Variants in PRKG1 observed in about 807,000 individuals in gnomAD.
The protein encoded by PRKG1 is protein kinase cGMP-dependent 1, also known as cGMP-dependent protein kinase 1.
Under a neutral mutation model 88.1 loss-of-function variants are expected in PRKG1, and 35 were observed. The ratio of observed to expected loss-of-function variants is 0.40; its 90% CI spans 0.30 to 0.53. PRKG1 has a LOEUF of 0.53. PRKG1 is among the 20% of genes least tolerant of loss of function. The pLI is 0.59. For synonymous variants in PRKG1, 303 were observed against 292.5 expected (o/e 1.04, Z -0.37); for missense variants, 540 against 839.8 (o/e 0.64, Z 4.41).
chr10:51,615,708 TC>T (rs1450683811), intron 3 of PRKG1, among the ~76,000 whole-genome samples: 1 of 151,814 alleles, frequency 6.6e-6, no homozygotes, highest in Non-Finnish European at 1.5e-5. Context: ...CTTATTCATA[TC>T]CTAAATTGTT....
At chr10:51,050,987 C>T (rs2660206) in intron 1 of PRKG1, among the ~76,000 whole-genome samples, 2 of 151,886 alleles carry the variant, frequency 1.3e-5, no homozygotes, top group Admixed American at 6.6e-5. Context: ...TGCTCATTTG[C>T]TCACTTTTTA....
chr10:51,551,495 G>A (rs1229999956), intron 3 of PRKG1, among the ~76,000 whole-genome samples: 1 of 151,716 alleles, frequency 6.6e-6, no homozygotes, highest in Non-Finnish European at 1.5e-5. Context: ...TTAAGAAAAA[G>A]CATGAAGCTA....
intron 9 of PRKG1, among the ~76,000 whole-genome samples, chr10:52,207,778 G>A (rs1194495): frequency 0.25 from 37,368 of 152,036 alleles, 5,568 homozygotes; most frequent in Admixed American, 0.41. Context: ...GGCCGGGAGT[G>A]AGCCCCATTG....
At chr10:52,073,344 A>C (rs1482532708) in intron 7 of PRKG1, among the ~76,000 whole-genome samples, 1 of 152,166 alleles carries the variant, frequency 6.6e-6, no homozygotes, top group Non-Finnish European at 1.5e-5. Flanking sequence ...GGAGGGCACA[A>C]ATCAACTCAC....
intron 5 of PRKG1, among the ~76,000 whole-genome samples, chr10:52,030,259 T>C (rs1845443695): frequency 6.6e-6 from 1 of 152,228 alleles, no homozygotes; most frequent in South Asian, 2.1e-4. Context: ...TCCTATCTTC[T>C]ATCCCACTAG....
At chr10:51,203,611 T>C (rs1274172445) in intron 2 of PRKG1, among the ~76,000 whole-genome samples, 1 of 152,166 alleles carries the variant, frequency 6.6e-6, no homozygotes, top group Non-Finnish European at 1.5e-5. Flanking sequence ...TGGAAAGGCT[T>C]TGGGTGAAAA....
At chr10:51,514,943 C>T (rs1343517024) in intron 3 of PRKG1, among the ~76,000 whole-genome samples, 1 of 152,110 alleles carries the variant, frequency 6.6e-6, no homozygotes, top group African/African-American at 2.4e-5. Context: ...AGAGGCTGTC[C>T]TGTGCATTGT....
intron 2 of PRKG1, among the ~76,000 whole-genome samples, chr10:51,331,420 C>T (rs939540416): frequency 6.6e-6 from 1 of 152,066 alleles, no homozygotes; most frequent in Non-Finnish European, 1.5e-5. Flanking sequence ...TGAGTACCAG[C>T]CTGAAATACA....
intron 1 of PRKG1, among the ~76,000 whole-genome samples, chr10:51,125,355 T>G (rs1845369197): frequency 6.6e-6 from 1 of 150,988 alleles, no homozygotes; most frequent in South Asian, 2.1e-4. Flanking sequence ...ATTATATAAA[T>G]TTATTTAAAA....
chr10:51,301,005 C>CT (rs1233223343), intron 2 of PRKG1, among the ~76,000 whole-genome samples: 4 of 151,552 alleles, frequency 2.6e-5, no homozygotes, highest in Admixed American at 6.6e-5. Flanking sequence ...GGAATGTTGA[C>CT]TTTTTTTTTG....
chr10:51,985,056 A>G (rs1043672156), intron 5 of PRKG1, among the ~76,000 whole-genome samples: 2 of 152,188 alleles, frequency 1.3e-5, no homozygotes, highest in African/African-American at 4.8e-5. Context: ...ACCATAGGAC[A>G]TATATTTTTA....
At chr10:51,380,891 G>A (rs978209651) in intron 2 of PRKG1, among the ~76,000 whole-genome samples, 1 of 152,146 alleles carries the variant, frequency 6.6e-6, no homozygotes, top group Non-Finnish European at 1.5e-5. Context: ...GAGGAACTGG[G>A]AGAAGAACTT....
chr10:51,152,979 T>C (rs1365246880), intron 1 of PRKG1, among the ~76,000 whole-genome samples, 185 bp from the exon 2 acceptor site: 1 of 146,726 alleles, frequency 6.8e-6, no homozygotes, highest in Non-Finnish European at 1.5e-5. Context: ...TTAGTGCCTT[T>C]TTTTTTTTTT....
chr10:51,352,746 G>A (rs1480700833), intron 2 of PRKG1, among the ~76,000 whole-genome samples: 1 of 151,724 alleles, frequency 6.6e-6, no homozygotes, highest in Non-Finnish European at 1.5e-5. Context: ...GTCCTTCATA[G>A]AAATAGAAAA....
chr10:51,594,711 T>C (rs7897911), intron 3 of PRKG1, among the ~76,000 whole-genome samples: 10,942 of 152,288 alleles, frequency 0.072, 1,292 homozygotes, highest in African/African-American at 0.25. Context: ...TATCACTCAG[T>C]CATTTCTATA....
chr10:52,059,657 A>G (rs374005397), intron 6 of PRKG1, among the ~76,000 whole-genome samples: 1 of 151,916 alleles, frequency 6.6e-6, no homozygotes, highest in East Asian at 1.9e-4. Flanking sequence ...CATAGCGTGA[A>G]GGAGTTTCTG....
intron 3 of PRKG1, among the ~76,000 whole-genome samples, chr10:51,640,194 G>A (rs533172143): frequency 6.6e-6 from 1 of 152,260 alleles, no homozygotes; most frequent in South Asian, 2.1e-4. Flanking sequence ...TAGATGGGGG[G>A]AAATGAAGTC....
At chr10:51,161,117 C>T (rs111383513) in intron 2 of PRKG1, among the ~76,000 whole-genome samples, 2,927 of 152,030 alleles carry the variant, frequency 0.019, 48 homozygotes, top group Middle Eastern at 0.054. Flanking sequence ...TTTGAAAATA[C>T]TTGATGACAG....
intron 2 of PRKG1, among the ~76,000 whole-genome samples, chr10:51,174,433 A>G (rs1011815055): frequency 1.3e-5 from 2 of 152,038 alleles, no homozygotes; most frequent in African/African-American, 2.4e-5. Context: ...TACAATGTCT[A>G]TGTAATCAAA....
Sources: allele counts gnomAD v4.1 joint callset (sites outside exome capture counted in the v4.1 genomes callset), GRCh38; gene constraint gnomAD v4.1.1; transcripts MANE v1.5; gene names NCBI Gene and HGNC (gene_info 2026-07-23, HGNC 2026-07-21).